Variants in SYT1 observed in about 807,000 individuals in gnomAD.
SYT1 encodes the protein synaptotagmin 1.
In SYT1, 8 loss-of-function variants were observed where a neutral mutation model predicts 44.8. That is an observed-to-expected ratio of 0.18 (90% CI 0.10 to 0.32). SYT1 has a LOEUF of 0.32. Ranked by LOEUF, SYT1 falls within the 10% of genes least tolerant of loss-of-function variation. The probability of loss-of-function intolerance (pLI) is 1.00; values close to 1 mark genes in which losing one functional copy is unlikely to be tolerated. For missense variants in SYT1, 286 were observed against 509.3 expected, an observed-to-expected ratio of 0.56 and a Z score of 4.22; for synonymous variants, 154 against 188.8, an observed-to-expected ratio of 0.82 and a Z score of 1.51.
At chr12:79,051,507 G>A (rs1200424500) in intron 3 of SYT1, among the ~76,000 whole-genome samples, 1 of 151,146 alleles carries the variant, frequency 6.6e-6, no homozygotes, top group African/African-American at 2.4e-5. Flanking sequence ...AATAACATAT[G>A]CACATTAAGT....
rs191308879 is a variant in SYT1 at position 79,173,951 on chromosome 12, A to G, written c.-17-43552A>G. Among the ~76,000 whole-genome samples, 255 of 152,178 alleles carry G rather than the reference A, an allele frequency of 1.7e-3. 1 individual carries two copies. Among genetic ancestry groups the G allele is most frequent in the African/African-American group, 6.0e-3 (249 of 41,560 alleles). On this transcript the variant is annotated intron_variant, in intron 3 of 10. Coordinates refer to ENST00000261205, the MANE Select transcript of SYT1 (RefSeq NM_005639.3). ...TGTATCATTACAATAGATGTTGTGGAGTTCAGGCTCTGTTGCTGGACAAAT... is the reference window on the plus strand; with the variant it reads ...TGTATCATTACAATAGATGTTGTGGGGTTCAGGCTCTGTTGCTGGACAAAT...
intron 8 of SYT1, among the ~76,000 whole-genome samples, chr12:79,325,969 A>G (rs1255916631): frequency 6.6e-6 from 1 of 152,172 alleles, no homozygotes; most frequent in Non-Finnish European, 1.5e-5. Context: ...CTGTAACTTT[A>G]ATTTCCTACT....
intron 1 of SYT1, among the ~76,000 whole-genome samples, chr12:78,883,127 T>C (rs1033739594): frequency 6.6e-6 from 1 of 151,792 alleles, no homozygotes; most frequent in African/African-American, 2.4e-5. Context: ...TGTGTATTTC[T>C]GTAATTTCTT....
At chr12:79,055,751 CAT>C (rs1292586733) in intron 3 of SYT1, among the ~76,000 whole-genome samples, 2 of 152,000 alleles carry the variant, frequency 1.3e-5, no homozygotes, top group East Asian at 1.9e-4. Context: ...AATATAGTAA[CAT>C]AAGTAAAAAT....
intron 8 of SYT1, among the ~76,000 whole-genome samples, chr12:79,334,542 A>G (rs1222592305): frequency 3.9e-5 from 6 of 152,150 alleles, no homozygotes; most frequent in Admixed American, 3.9e-4. Flanking sequence ...GGGAAGTTGT[A>G]CCAGGCAGAT....
chr12:79,165,828 A>G (rs997462794), intron 3 of SYT1, among the ~76,000 whole-genome samples: 3 of 152,048 alleles, frequency 2.0e-5, no homozygotes, highest in Admixed American at 1.3e-4. Context: ...GTATGTTACA[A>G]TAGAATGAGT....
intron 1 of SYT1, among the ~76,000 whole-genome samples, chr12:78,886,497 A>G (rs1874759927): frequency 6.6e-6 from 1 of 152,042 alleles, no homozygotes; most frequent in Non-Finnish European, 1.5e-5. Flanking sequence ...GAAATTAATC[A>G]TCACCTAAAT....
chr12:78,887,321 T>G (rs1874803977), intron 1 of SYT1, among the ~76,000 whole-genome samples: 1 of 151,930 alleles, frequency 6.6e-6, no homozygotes, highest in African/African-American at 2.4e-5. Flanking sequence ...GTGATTGTGT[T>G]CAAGTAACCC....
chr12:79,035,177 A>G (rs959399078), intron 2 of SYT1, among the ~76,000 whole-genome samples: 4 of 151,690 alleles, frequency 2.6e-5, no homozygotes, highest in African/African-American at 9.7e-5. Flanking sequence ...CATACCACTT[A>G]CTTGTTCAAT....
chr12:79,407,908 CAGA>C (rs925143290), intron 9 of SYT1, among the ~76,000 whole-genome samples: 1 of 152,072 alleles, frequency 6.6e-6, no homozygotes, highest in African/African-American at 2.4e-5. Flanking sequence ...CTCTTCTTCC[CAGA>C]AGAACAACAG....
chr12:79,236,855 G>C (rs141927067), intron 4 of SYT1, among the ~76,000 whole-genome samples: 193 of 152,360 alleles, frequency 1.3e-3, no homozygotes, highest in African/African-American at 4.5e-3. Flanking sequence ...TGAGAGACGT[G>C]TAGAGGAGTC....
chr12:79,151,603 G>A (rs923808947), intron 3 of SYT1, among the ~76,000 whole-genome samples: 1 of 152,102 alleles, frequency 6.6e-6, no homozygotes, highest in Non-Finnish European at 1.5e-5. Context: ...AAGACTAGTG[G>A]GAAGTTGACC....
chr12:79,317,428 T>TC (rs1412630598), intron 8 of SYT1, among the ~76,000 whole-genome samples: 1 of 152,160 alleles, frequency 6.6e-6, no homozygotes, highest in Non-Finnish European at 1.5e-5. Flanking sequence ...GCAATTATTT[T>TC]CCCCCTGGGA....
chr12:79,301,514 T>C (rs1000634347), intron 8 of SYT1, among the ~76,000 whole-genome samples: 1 of 152,122 alleles, frequency 6.6e-6, no homozygotes, highest in Non-Finnish European at 1.5e-5. Context: ...CTAACATGAT[T>C]TACCCCTTAT....
At chr12:78,895,015 A>G (rs1875279580) in intron 1 of SYT1, among the ~76,000 whole-genome samples, 1 of 151,716 alleles carries the variant, frequency 6.6e-6, no homozygotes, top group Non-Finnish European at 1.5e-5. Flanking sequence ...ATATTATACA[A>G]TATAAACATA....
chr12:79,313,974 C>G (rs1265288830), intron 8 of SYT1, among the ~76,000 whole-genome samples: 1 of 148,782 alleles, frequency 6.7e-6, no homozygotes, highest in African/African-American at 2.6e-5. Flanking sequence ...TCGAGACCAT[C>G]CTGGTTAACA....
chr12:79,059,457 A>C (rs577327760), intron 3 of SYT1, among the ~76,000 whole-genome samples: 1 of 152,218 alleles, frequency 6.6e-6, no homozygotes, highest in African/African-American at 2.4e-5. Flanking sequence ...TCATAAAGTA[A>C]ATTTTAAGAG....
At chr12:79,001,894 C>A (rs115370518) in intron 2 of SYT1, among the ~76,000 whole-genome samples, 3,065 of 151,182 alleles carry the variant, frequency 0.02, 108 homozygotes, top group African/African-American at 0.07. Context: ...TTTTTTGGCA[C>A]TTGCCTGGAA....
chr12:78,905,760 G>C (rs1875945433), intron 1 of SYT1, among the ~76,000 whole-genome samples: 1 of 151,796 alleles, frequency 6.6e-6, no homozygotes. Flanking sequence ...TAAAGATAGA[G>C]TTTTTTGACC....
Sources: gnomAD v4.1 joint callset for allele counts (sites outside exome capture counted in the v4.1 genomes callset) on GRCh38, gnomAD v4.1.1 for gene constraint, MANE v1.5 for transcripts, NCBI Gene and HGNC (gene_info 2026-07-23, HGNC 2026-07-21) for gene names.